The following PAX9 variants were observed in gnomAD, a reference collection of about 807,000 sequenced individuals.
The protein encoded by PAX9 is paired box 9.
PAX9 carries 6 observed loss-of-function variants against 29.1 expected under a neutral mutation model. That is an observed-to-expected ratio of 0.21 (90% confidence interval 0.11 to 0.41). The LOEUF (loss-of-function observed/expected upper bound fraction) is 0.41, where lower values mean the gene tolerates loss of function less well. Among genes scored for constraint, PAX9 ranks in the 10% least tolerant of loss-of-function variants. PAX9 has a pLI of 1.00. For synonymous variants in PAX9, 217 were observed against 211.7 expected (o/e 1.03, Z -0.22); for missense variants, 443 against 479.1 (o/e 0.92, Z 0.70).
intron 3 of PAX9, among the ~76,000 whole-genome samples, chr14:36,667,869 C>T (rs968541035): frequency 1.3e-5 from 2 of 152,158 alleles, no homozygotes; most frequent in Non-Finnish European, 2.9e-5. Flanking sequence ...ACCCTTAATT[C>T]GTAATTTGCA....
At position 36,663,430 on chromosome 14, in the gene PAX9, C is replaced by T. The variant is rs757294221; in HGVS notation, c.538C>T (p.Pro180Ser). 2.5e-6 allele frequency: 4 copies of T among 1,612,940 alleles called. No individual in the cohort carries two copies. Among genetic ancestry groups the T allele is most frequent in the South Asian group, 1.1e-5 (1 of 91,056 alleles). ...AAKVPTPPGV[P>S]AIPGSVAMPR... ...CAAGGTGCCCACGCCACCCGGGGTGCCTGCCATCCCCGGTTCGGTGGCCAT... is the reference window on the plus strand; with the variant it reads ...CAAGGTGCCCACGCCACCCGGGGTGTCTGCCATCCCCGGTTCGGTGGCCAT... Residue 180 changes from proline to serine, a missense_variant, in exon 2 of 4, where the codon CCT becomes TCT. By Grantham distance (74) the Pro-to-Ser change is moderately conservative. Transcript: ENST00000361487.
intron 3 of PAX9, among the ~76,000 whole-genome samples, chr14:36,674,211 CT>C (rs1881800213): frequency 6.6e-6 from 1 of 152,070 alleles, no homozygotes; most frequent in South Asian, 2.1e-4. Flanking sequence ...AGAAACTATT[CT>C]TTTTTTAGAA....
At chr14:36,667,630 TG>T (rs1478901834) in intron 3 of PAX9, among the ~76,000 whole-genome samples, 1 of 152,238 alleles carries the variant, frequency 6.6e-6, no homozygotes, top group Non-Finnish European at 1.5e-5. Context: ...CTTATTCACT[TG>T]AAAAAACATC....
intron 1 of PAX9, 180 bp from the exon 2 acceptor site, chr14:36,662,717 C>T: frequency 1.4e-6 from 1 of 706,072 alleles, no homozygotes; most frequent in East Asian, 2.7e-5. Flanking sequence ...TCCGATTGGA[C>T]AGTGACGGTT....
At chr14:36,669,301 A>G (rs779681248) in intron 3 of PAX9, among the ~76,000 whole-genome samples, 12 of 152,316 alleles carry the variant, frequency 7.9e-5, no homozygotes, top group South Asian at 6.2e-4. Flanking sequence ...TCTCTTACCA[A>G]TATTCAAAGG....
At chr14:36,672,357 C>T (rs1190352790) in intron 3 of PAX9, among the ~76,000 whole-genome samples, 1 of 152,092 alleles carries the variant, frequency 6.6e-6, no homozygotes, top group Non-Finnish European at 1.5e-5. Context: ...AAACATTAAA[C>T]CGATTTGGGA....
In PAX9 at chr14:36,662,885, T is replaced by C; in HGVS notation, c.5-12T>C. The C allele has an allele frequency of 6.2e-7, 1 of 1,608,914 alleles. No individual in the cohort carries two copies. The highest frequency in any genetic ancestry group is 8.5e-7 in the Non-Finnish European group (1 of 1,177,044). On this transcript the variant is annotated splice_polypyrimidine_tract_variant and intron_variant, in intron 1 of 3. Coordinates refer to ENST00000361487, the MANE Select transcript of PAX9 (RefSeq NM_001372076.1). ...GGTGCGCGTCCCTGCGCGCTGTGTG[T>C]TCATTTTGCAGAGCCAGCCTTCGGG...
intron 1 of PAX9, chr14:36,662,464 T>C: frequency 2.6e-6 from 1 of 381,362 alleles, no homozygotes. Flanking sequence ...AAACACCCTC[T>C]AGCTTCCCCT....
At chr14:36,669,187 G>A (rs1881618812) in intron 3 of PAX9, among the ~76,000 whole-genome samples, 1 of 152,124 alleles carries the variant, frequency 6.6e-6, no homozygotes, top group African/African-American at 2.4e-5. Flanking sequence ...CCATTTTTCT[G>A]AGCAGTTTTG....
At chr14:36,662,867 G>C (rs560563987) in intron 1 of PAX9, 30 bp from the exon 2 acceptor site, 5 of 1,593,640 alleles carry the variant, frequency 3.1e-6, no homozygotes, top group Non-Finnish European at 3.4e-6. Flanking sequence ...GCGGGTGCGC[G>C]TCCCTGCGCG....
At chr14:36,668,540 C>T (rs1384347009) in intron 3 of PAX9, among the ~76,000 whole-genome samples, 2 of 152,158 alleles carry the variant, frequency 1.3e-5, no homozygotes, top group Non-Finnish European at 2.9e-5. Flanking sequence ...AGGCACGCGC[C>T]GCCACACCCA....
rs1419300427 is a variant in PAX9 at position 36,678,390 on chromosome 14, CAGG to C, written c.*1941_*1943del. The C allele has an allele frequency of 1.8e-6, 2 of 1,088,132 alleles. No individual in the cohort carries two copies. Among genetic ancestry groups the C allele is most frequent in the African/African-American group, 3.1e-5 (2 of 63,752 alleles). The allele number at this position is 1,088,132 out of a possible 1,614,324, so 67.4% of individuals were successfully genotyped here. ...TGCTACAAATAGAGGATTATAACTT[CAGG>C]AGAAGAATAAGCAGAAGGAGCAGAT... is the stretch of plus-strand genomic sequence containing the variant. On this transcript the variant is annotated 3_prime_UTR_variant, in exon 4 of 4. Transcript: ENST00000361487.
At chr14:36,671,601 A>G (rs919066621) in intron 3 of PAX9, among the ~76,000 whole-genome samples, 27 of 152,148 alleles carry the variant, frequency 1.8e-4, no homozygotes, top group Admixed American at 1.7e-3. Flanking sequence ...TGGAATGCTT[A>G]TGATGTATCC....
At chr14:36,671,651 T>C (rs1881697271) in intron 3 of PAX9, among the ~76,000 whole-genome samples, 1 of 152,176 alleles carries the variant, frequency 6.6e-6, no homozygotes, top group Admixed American at 6.5e-5. Flanking sequence ...CAAGTCCCTG[T>C]CCTCAGACAG....
upstream of PAX9, among the ~76,000 whole-genome samples, chr14:36,661,474 C>T (rs73258674): frequency 0.026 from 4,024 of 152,312 alleles, 178 homozygotes; most frequent in African/African-American, 0.091. Flanking sequence ...CTCCCTCACC[C>T]CTGTGCACGG....
At chr14:36,674,883 G>A (rs368124979) in intron 3 of PAX9, among the ~76,000 whole-genome samples, 12 of 152,062 alleles carry the variant, frequency 7.9e-5, no homozygotes, top group African/African-American at 2.7e-4. Flanking sequence ...TCATACCCAC[G>A]TATGTATTCT....
chr14:36,663,835 G>A (rs552697696), intron 2 of PAX9, among the ~76,000 whole-genome samples: 162 of 152,300 alleles, frequency 1.1e-3, no homozygotes, highest in African/African-American at 3.8e-3. Context: ...CCTCAGCCCG[G>A]CTTGCTCACT....
In PAX9 at chr14:36,678,743, A is replaced by AATT; in HGVS notation, c.*2292_*2294dup. Reference sequence around the variant, plus strand: ...AATCTCTTGTTATTGTGCTATTTATAATTTTTTTCTGGTTCTTGTATTTTA... The same window carrying AATT: ...AATCTCTTGTTATTGTGCTATTTATAATTATTTTTTTCTGGTTCTTGTATTTTA... On this transcript the variant is annotated 3_prime_UTR_variant, in exon 4 of 4. Transcript: ENST00000361487. The AATT allele has an allele frequency of 1.7e-6, 2 of 1,150,666 alleles. No individual in the cohort carries two copies. The highest frequency in any genetic ancestry group is 2.1e-6 in the Non-Finnish European group (2 of 931,086). The allele number at this position is 1,150,666 out of a possible 1,614,324, so 71.3% of individuals were successfully genotyped here.
chr14:36,659,405 C>G (rs1270936586), upstream of PAX9, among the ~76,000 whole-genome samples: 1 of 152,212 alleles, frequency 6.6e-6, no homozygotes, highest in African/African-American at 2.4e-5. Context: ...GTCCGCGCCC[C>G]GGGAAGGCTT....
Sources: allele counts gnomAD v4.1 joint callset (sites outside exome capture counted in the v4.1 genomes callset), GRCh38; gene constraint gnomAD v4.1.1; transcripts MANE v1.5; gene names NCBI Gene and HGNC (gene_info 2026-07-23, HGNC 2026-07-21).